The following MAST3 variants were observed in gnomAD, a reference collection of about 807,000 sequenced individuals.
MAST3 encodes the protein microtubule-associated serine/threonine-protein kinase 3.
MAST3 carries 43 observed loss-of-function variants against 127.0 expected under a neutral mutation model. The observed-to-expected ratio is 0.34, with a 90% confidence interval of 0.27 to 0.44. The LOEUF is 0.44. Among genes scored for constraint, MAST3 ranks in the 20% least tolerant of loss-of-function variants. MAST3 has a pLI of 1.00. For missense variants in MAST3, 1,390 were observed against 1,919.1 expected, an observed-to-expected ratio of 0.72 and a Z score of 5.15; for synonymous variants, 785 against 809.2, an observed-to-expected ratio of 0.97 and a Z score of 0.51.
rs755390694 is a variant in MAST3 at position 18,144,298 on chromosome 19, T to C, written c.2585-168T>C. On this transcript the variant is annotated intron_variant, in intron 22 of 27. Coordinates refer to ENST00000687212, the MANE Select transcript of MAST3 (RefSeq NM_001393504.1). This position sits in a 1 kb window ranked among gnomAD's most constrained non-coding sequence, Gnocchi z 4.0. ...CCTGGAGGAGGGGACTTGAAGACTTTTGCATAGAGAATAATTTGGGAAGGG... is the reference window on the plus strand; with the variant it reads ...CCTGGAGGAGGGGACTTGAAGACTTCTGCATAGAGAATAATTTGGGAAGGG... Among the ~76,000 whole-genome samples, 3 of 152,108 alleles carry C rather than the reference T, an allele frequency of 2.0e-5. No individual in the cohort carries two copies. Among genetic ancestry groups the C allele is most frequent in the Non-Finnish European group, 4.4e-5 (3 of 68,000 alleles).
intron 3 of MAST3, among the ~76,000 whole-genome samples, chr19:18,119,705 C>A (rs898813058): frequency 7.2e-5 from 11 of 152,196 alleles, no homozygotes; most frequent in Non-Finnish European, 1.3e-4. Context: ...TAGGTTTCAT[C>A]CTTCAAGGTA....
At chr19:18,147,697 A>G in intron 27 of MAST3, 73 bp downstream of exon 27, 1 of 1,081,968 alleles carries the variant, frequency 9.2e-7, no homozygotes, top group Non-Finnish European at 1.3e-6. Context: ...GGAGGGAGGA[A>G]GGAGTTCAGG....
intron 11 of MAST3, among the ~76,000 whole-genome samples, chr19:18,125,347 A>G (rs1461781930): frequency 6.6e-6 from 1 of 152,206 alleles, no homozygotes; most frequent in African/African-American, 2.4e-5. Flanking sequence ...TTGTCCTGCA[A>G]ATTCACAAAT....
intron 15 of MAST3, among the ~76,000 whole-genome samples, chr19:18,133,769 G>GTTTTGAACTCCCGACCTCA (rs1368421908): frequency 5.3e-5 from 8 of 151,972 alleles, no homozygotes; most frequent in African/African-American, 1.9e-4. Context: ...GGTCAGGCTG[G>GTTTTGAACTCCCGACCTCA]TTTTGAACTC....
intron 12 of MAST3, among the ~76,000 whole-genome samples, 171 bp from the exon 13 acceptor site, chr19:18,128,695 A>T (rs749593357): frequency 6.6e-6 from 1 of 152,126 alleles, no homozygotes; most frequent in Non-Finnish European, 1.5e-5. Flanking sequence ...TCCCAGGAGG[A>T]GGGCACAGCT....
intron 25 of MAST3, among the ~76,000 whole-genome samples, chr19:18,146,368 C>T (rs938293899): frequency 2.0e-5 from 3 of 152,060 alleles, no homozygotes; most frequent in Admixed American, 6.6e-5. Flanking sequence ...TCGCTTGGGC[C>T]GAGGAGGTTG....
rs565985734 is a variant in MAST3 at position 18,137,227 on chromosome 19, G to T, written c.1973-12G>T. ...GTGAGGACCTGCAGGGCTCAGCGGG[G>T]CATATCTGCAGGTGGCACCCACGAA... On this transcript the variant is annotated splice_polypyrimidine_tract_variant and intron_variant, in intron 18 of 27. Transcript: ENST00000687212. 7.5e-6 allele frequency: 12 copies of T among 1,608,980 alleles called. No individual in the cohort carries two copies. In the East Asian group the frequency reaches 1.1e-4, roughly 15 times the overall value.
In MAST3 at chr19:18,141,881, G is replaced by C; in HGVS notation, c.2206-1G>C. 2 of 1,444,660 alleles carry C rather than the reference G, an allele frequency of 1.4e-6. No homozygotes were observed. The highest frequency in any genetic ancestry group is 1.8e-6 in the Non-Finnish European group (2 of 1,086,090). The allele number at this position is 1,444,660 out of a possible 1,614,324, so 89.5% of individuals were successfully genotyped here. On this transcript the variant is annotated splice_acceptor_variant, in intron 20 of 27. Coordinates refer to ENST00000687212, the MANE Select transcript of MAST3 (RefSeq NM_001393504.1). LOFTEE classifies it high-confidence loss of function. ...TACCATTCTTTTGTCTTGCCTCCCA[G>C]GTCTACAGCAGCTCTGAGTTCCTGG...
chr19:18,110,629 G>A lies in MAST3; in HGVS notation c.72-23G>A, dbSNP rs2038489274. On this transcript the variant is annotated intron_variant, in intron 2 of 27. Coordinates refer to ENST00000687212, the MANE Select transcript of MAST3 (RefSeq NM_001393504.1). The surrounding 1 kb of genome is among the most constrained non-coding windows in gnomAD (Gnocchi z 4.3). The stretch of plus-strand genomic sequence containing the variant: ...CGAAGGGGCGGCCGCCAGGTTCACC[G>A]TCCCCGGCCTCTTTCTTTGCAGTCT... The A allele has an allele frequency of 1.0e-6, 1 of 981,106 alleles. No individual in the cohort carries two copies. The highest frequency in any genetic ancestry group is 4.7e-5 in the South Asian group (1 of 21,212). 60.8% of individuals were successfully genotyped at this position (981,106 alleles called of 1,614,324 possible). A position where few individuals can be genotyped will look rare whatever the true frequency, so the allele number is the denominator to read the frequency against.
chr19:18,149,678 G>C lies in MAST3; in HGVS notation c.3996G>C (p.Glu1332Asp). 1 of 1,613,034 alleles carries C rather than the reference G, an allele frequency of 6.2e-7. No individual in the cohort carries two copies. Among genetic ancestry groups the C allele is most frequent in the Non-Finnish European group, 8.5e-7 (1 of 1,179,858 alleles). The change falls in exon 28 of 28, where the codon GAG (glutamate) becomes GAC (aspartate). Residue 1332 changes from glutamate (E) to aspartate (D), a missense_variant. Coordinates refer to ENST00000687212, the MANE Select transcript of MAST3 (RefSeq NM_001393504.1). This position sits in a 1 kb window ranked among gnomAD's most constrained non-coding sequence, Gnocchi z 5.9. ...CCTCAGTGCCACAGATCGCCGTGGA[G>C]GGCGAGGAAGCCGTGCCAGTAGCTC... ...LPTSVPQIAV[E>D]GEEAVPVALG...
chr19:18,136,665 G>T (rs1053331365), intron 18 of MAST3, among the ~76,000 whole-genome samples: 12 of 152,124 alleles, frequency 7.9e-5, no homozygotes, highest in Non-Finnish European at 1.6e-4. Context: ...GACCTCAAGT[G>T]ATCTGCCCGC....
Position 18,147,587 on chromosome 19 carries a change from C to T in MAST3, c.3471C>T (p.Thr1157=). 1 of 1,569,344 alleles carries T rather than the reference C, an allele frequency of 6.4e-7. No homozygotes were observed. The highest frequency in any genetic ancestry group is 8.6e-7 in the Non-Finnish European group (1 of 1,157,656). ...CCCACAGCCTCTCCCCCAGCCCCACCACTCCCTGCCGAAGCCCAGCCCCTG... is the reference window on the plus strand; with the variant it reads ...CCCACAGCCTCTCCCCCAGCCCCACTACTCCCTGCCGAAGCCCAGCCCCTG... ...SPTHSLSPSP[T]TPCRSPAPDV... is the part of the protein sequence containing the mutation. The change falls in exon 27 of 28, where the codon ACC becomes ACT. Residue 1157 remains threonine, a synonymous_variant. Coordinates refer to ENST00000687212, the MANE Select transcript of MAST3 (RefSeq NM_001393504.1).
At chr19:18,109,870 C>T in intron 2 of MAST3, 2 of 908,290 alleles carry the variant, frequency 2.2e-6, no homozygotes, top group Non-Finnish European at 2.6e-6. Flanking sequence ...GCGCTCAGAT[C>T]CCGGCTCCCA....
chr19:18,151,527 C>T lies in MAST3; in HGVS notation c.*1801C>T, dbSNP rs1425016230. The T allele has an allele frequency of 6.6e-6, 1 of 152,274 alleles. No individual in the cohort carries two copies. The highest frequency in any genetic ancestry group is 1.9e-4 in the East Asian group (1 of 5,202). 9.4% of individuals were successfully genotyped at this position (152,274 alleles called of 1,614,324 possible). A position where few individuals can be genotyped will look rare whatever the true frequency, so the allele number is the denominator to read the frequency against. ...GATGCTGTGTGACCCACTGGGCACTCTGGTGAGGGAGCTTTCCAGACATCA... is the reference window on the plus strand; with the variant it reads ...GATGCTGTGTGACCCACTGGGCACTTTGGTGAGGGAGCTTTCCAGACATCA... On this transcript the variant is annotated 3_prime_UTR_variant, in exon 28 of 28. Transcript: ENST00000687212.
rs776661078 is a variant in MAST3 at position 18,100,128 on chromosome 19, C to CTCTCTCTCTTTTTTTTTTTTTTTT, written c.39+2298_39+2299insCTCTCTCTTTTTTTTTTTTTTTTT. On this transcript the variant is annotated intron_variant, in intron 1 of 27. Transcript: ENST00000687212. ...GGCAGAAGGATCTCTCTCTCTCTCT[C>CTCTCTCTCTTTTTTTTTTTTTTTT]TTTTTTTTTTTTTTGAGAAAGAATC... Among the ~76,000 whole-genome samples the CTCTCTCTCTTTTTTTTTTTTTTTT allele has an allele frequency of 1.2e-3, 151 of 121,654 alleles. 1 individual carries two copies. Among genetic ancestry groups the CTCTCTCTCTTTTTTTTTTTTTTTT allele is most frequent in the African/African-American group, 3.4e-3 (120 of 35,756 alleles). The allele number at this position is 121,654 out of a possible 152,430, so 79.8% of individuals were successfully genotyped here.
intron 3 of MAST3, among the ~76,000 whole-genome samples, chr19:18,115,445 A>G (rs2039117088): frequency 6.6e-6 from 1 of 151,908 alleles, no homozygotes. Context: ...CCCCGTGCAT[A>G]TGGGGTGGCT....
Position 18,149,280 on chromosome 19 carries a change from C to A in MAST3, c.3598C>A (p.His1200Asn). 1 of 1,545,358 alleles carries A rather than the reference C, an allele frequency of 6.5e-7. No homozygotes were observed. Among genetic ancestry groups the A allele is most frequent in the Non-Finnish European group, 8.7e-7 (1 of 1,148,974 alleles). Residue 1200 changes from histidine (H) to asparagine (N), a missense_variant, in exon 28 of 28, where the codon CAC becomes AAC. By Grantham distance (68) the His-to-Asn change is moderately conservative. Coordinates refer to ENST00000687212, the MANE Select transcript of MAST3 (RefSeq NM_001393504.1). The surrounding 1 kb of genome is among the most constrained non-coding windows in gnomAD (Gnocchi z 5.9). ...TGGCCACACCCGCCCCAGCTCCCTGCACGGCCTGGCTGCCAAGCTTGGGCC... is the reference window on the plus strand; with the variant it reads ...TGGCCACACCCGCCCCAGCTCCCTGAACGGCCTGGCTGCCAAGCTTGGGCC... Reference protein sequence around the residue: ...AAGHTRPSSLHGLAAKLGPPR... With the variant: ...AAGHTRPSSLNGLAAKLGPPR...
At chr19:18,135,088 G>A (rs1393458602) in intron 17 of MAST3, 106 bp downstream of exon 17, 2 of 1,369,024 alleles carry the variant, frequency 1.5e-6, no homozygotes, top group Non-Finnish European at 2.0e-6. Context: ...AGGGGAGGGA[G>A]TTGGATGCCA....
Position 18,149,574 on chromosome 19 carries a change from C to A in MAST3, c.3892C>A (p.Arg1298=). The A allele has an allele frequency of 6.2e-7, 1 of 1,602,386 alleles. No homozygotes were observed. Among genetic ancestry groups the A allele is most frequent in the South Asian group, 1.1e-5 (1 of 89,686 alleles). Residue 1298 remains arginine, a synonymous_variant, in exon 28 of 28, where the codon CGA becomes AGA. Transcript: ENST00000687212. This position sits in a 1 kb window ranked among gnomAD's most constrained non-coding sequence, Gnocchi z 5.9. The part of the protein sequence containing the change: ...VMRRLHLSER[R]DSFKKQEAVQ... ...GCGGCGGCTGCACCTGTCCGAGCGCCGAGACTCCTTCAAGAAGCAGGAGGC... is the reference window on the plus strand; with the variant it reads ...GCGGCGGCTGCACCTGTCCGAGCGCAGAGACTCCTTCAAGAAGCAGGAGGC...
Sources: allele counts gnomAD v4.1 joint callset (sites outside exome capture counted in the v4.1 genomes callset), GRCh38; gene constraint gnomAD v4.1.1; non-coding constraint Gnocchi (gnomAD v3.1); transcripts MANE v1.5; gene names NCBI Gene and HGNC (gene_info 2026-07-23, HGNC 2026-07-21).